C6orf132: variants seen among roughly 807,000 people sequenced by gnomAD.
C6orf132 encodes chromosome 6 open reading frame 132.
C6orf132 carries 43 observed loss-of-function variants against 65.3 expected under a neutral mutation model. The ratio of observed to expected loss-of-function variants is 0.66; its 90% CI spans 0.52 to 0.85. The LOEUF is 0.85. Ranked by LOEUF, C6orf132 falls within the 40% of genes least tolerant of loss-of-function variation. The probability of loss-of-function intolerance (pLI) is 0.00; values close to 1 mark genes in which losing one functional copy is unlikely to be tolerated. For missense variants in C6orf132, 1,488 were observed against 1,548.8 expected, an observed-to-expected ratio of 0.96 and a Z score of 0.66; for synonymous variants, 631 against 654.1, an observed-to-expected ratio of 0.96 and a Z score of 0.54.
At chr6:42,126,570 G>A (rs1042717871) in intron 2 of C6orf132, 11 of 193,372 alleles carry the variant, frequency 5.7e-5, no homozygotes, top group East Asian at 4.6e-4. Context: ...GGCTGGGCGC[G>A]GTAGCTCACG....
chr6:42,128,820 A>C (rs1377486938), intron 1 of C6orf132, 42 bp from the exon 2 acceptor site: 1 of 1,458,062 alleles, frequency 6.9e-7, no homozygotes, highest in South Asian at 1.2e-5. Context: ...CTGGAGATCC[A>C]AGGCATCCGG....
chr6:42,119,388 C>T (rs111907204), intron 2 of C6orf132, among the ~76,000 whole-genome samples: 7,270 of 139,928 alleles, frequency 0.052, 554 homozygotes, highest in African/African-American at 0.17. Flanking sequence ...TCTGTTGCCC[C>T]GGCTGGAGTT....
chr6:42,106,636 G>A lies in C6orf132; in HGVS notation c.1276C>T (p.Pro426Ser), dbSNP rs1352781222. The change falls in exon 4 of 5, where the codon CCA (proline) becomes TCA (serine). Residue 426 changes from proline (P) to serine (S), a missense_variant. Pro to Ser is a moderately conservative substitution (Grantham distance 74, BLOSUM62 -1). Coordinates refer to ENST00000341865, the MANE Select transcript of C6orf132 (RefSeq NM_001164446.3). ...GGGGTTTTTGTAAACCCAGCAGGTG[G>A]ATGGGCTGCCTTCTGAGCACAGGGC... ...PLPCAQKAAH[P>S]PAGFTKTPKS... 1 of 1,534,142 alleles carries A rather than the reference G, an allele frequency of 6.5e-7. No individual in the cohort carries two copies.
intron 2 of C6orf132, among the ~76,000 whole-genome samples, chr6:42,122,637 A>G (rs370279233): frequency 8.7e-4 from 132 of 152,290 alleles, no homozygotes; most frequent in African/African-American, 6.0e-4. Flanking sequence ...CTAAAAGCCA[A>G]TCATGGCTGC....
At chr6:42,118,880 T>C (rs1440879943) in intron 2 of C6orf132, among the ~76,000 whole-genome samples, 1 of 147,310 alleles carries the variant, frequency 6.8e-6, no homozygotes, top group African/African-American at 2.5e-5. Flanking sequence ...TTTTTTTTTT[T>C]TTTTTTTTTT....
In C6orf132 at chr6:42,104,883, C is replaced by G; in HGVS notation, c.3029G>C (p.Ser1010Thr). The change falls in exon 4 of 5, where the codon AGC (serine) becomes ACC (threonine). Residue 1010 changes from serine (S) to threonine (T), a missense_variant. Transcript: ENST00000341865. The surrounding 1 kb of genome is among the most constrained non-coding windows in gnomAD (Gnocchi z 4.1). ...TGAGTAGTTGTTCCGGGGAGGGGAGCTCTGGCGGCCCAGATACTGGAGGGC... is the reference window on the plus strand; with the variant it reads ...TGAGTAGTTGTTCCGGGGAGGGGAGGTCTGGCGGCCCAGATACTGGAGGGC... ...APALQYLGRQ[S>T]SPPRNNYSDL... 6.9e-7 allele frequency: 1 copy of G among 1,448,792 alleles called. No homozygotes were observed. The highest frequency in any genetic ancestry group is 1.4e-5 in the African/African-American group (1 of 70,096). The allele number at this position is 1,448,792 out of a possible 1,614,324, so 89.7% of individuals were successfully genotyped here.
chr6:42,107,668 G>T, intron 3 of C6orf132, 85 bp from the exon 4 acceptor site: 2 of 1,494,396 alleles, frequency 1.3e-6, no homozygotes, highest in Non-Finnish European at 1.8e-6. Context: ...CAGGGGCAGG[G>T]GTGGGCACCC....
Position 42,105,349 on chromosome 6 carries a change from C to G in C6orf132, c.2563G>C (p.Val855Leu), listed in dbSNP as rs1766378914. The change falls in exon 4 of 5, where the codon GTA (valine) becomes CTA (leucine). Residue 855 changes from valine to leucine, a missense_variant. Transcript: ENST00000341865. ...GAGGACCGACCCAGGGCAGCCCCTA[C>G]AGACCTTCCCTTCTGAGCCCTCTGC... The part of the protein sequence containing the change: ...ARQRAQKGRS[V>L]GAALGRSSLP... 1 of 1,536,718 alleles carries G rather than the reference C, an allele frequency of 6.5e-7. No individual in the cohort carries two copies. Among genetic ancestry groups the G allele is most frequent in the Non-Finnish European group, 8.7e-7 (1 of 1,146,898 alleles).
chr6:42,118,916 C>A (rs1314245960), intron 2 of C6orf132, among the ~76,000 whole-genome samples: 1 of 142,214 alleles, frequency 7.0e-6, no homozygotes, highest in Non-Finnish European at 1.5e-5. Flanking sequence ...CACTGTCACC[C>A]AAGCTGCAAT....
At chr6:42,118,545 A>T (rs1766621401) in intron 2 of C6orf132, among the ~76,000 whole-genome samples, 1 of 152,200 alleles carries the variant, frequency 6.6e-6, no homozygotes, top group Admixed American at 6.5e-5. Context: ...GGCAGCCCAC[A>T]TCGAAAGGGG....
rs973334375 is a variant in C6orf132, at chr6:42,102,899, C to A, written c.*862G>T. 16 of 396,506 alleles carry A rather than the reference C, an allele frequency of 4.0e-5. No individual in the cohort carries two copies. The Middle Eastern group carries it at 2.5e-3, about 62-fold the overall frequency. The allele number at this position is 396,506 out of a possible 1,614,324, so 24.6% of individuals were successfully genotyped here. A position where few individuals can be genotyped will look rare whatever the true frequency, so the allele number is the denominator to read the frequency against. On this transcript the variant is annotated 3_prime_UTR_variant, in exon 5 of 5. Transcript: ENST00000341865. Reference sequence around the variant, plus strand: ...TCTCCAAATCCCATATGAGACCTGGCCATGTAAGGCCCCTAGTGTCAAGCC... The same window carrying A: ...TCTCCAAATCCCATATGAGACCTGGACATGTAAGGCCCCTAGTGTCAAGCC...
Position 42,103,582 on chromosome 6 carries a change from C to T in C6orf132, c.*179G>A. On this transcript the variant is annotated 3_prime_UTR_variant, in exon 5 of 5. Coordinates refer to ENST00000341865, the MANE Select transcript of C6orf132 (RefSeq NM_001164446.3). ...CACCAGCGCTTTGGGAAACAGAAGC[C>T]CACTCTCGGTCTTCCTGGGCCACTG... 2 of 406,076 alleles carry T rather than the reference C, an allele frequency of 4.9e-6. No homozygotes were observed. The highest frequency in any genetic ancestry group is 4.4e-5 in the Admixed American group (1 of 22,618). The allele number at this position is 406,076 out of a possible 1,614,324, so 25.2% of individuals were successfully genotyped here. A position where few individuals can be genotyped will look rare whatever the true frequency, so the allele number is the denominator to read the frequency against.
chr6:42,116,998 A>C (rs1431486320), intron 2 of C6orf132, among the ~76,000 whole-genome samples: 2 of 152,014 alleles, frequency 1.3e-5, no homozygotes, highest in African/African-American at 4.8e-5. Context: ...ATCCATTTCC[A>C]CACCTCAAGC....
At chr6:42,118,214 C>T (rs942136525) in intron 2 of C6orf132, among the ~76,000 whole-genome samples, 1 of 152,204 alleles carries the variant, frequency 6.6e-6, no homozygotes, top group African/African-American at 2.4e-5. Flanking sequence ...ACTGTATTGC[C>T]TCGAGGTTGT....
In C6orf132 at chr6:42,106,728, G is replaced by T; in HGVS notation, c.1184C>A (p.Pro395His). ...ERAGTPPPAP[P>H]LPPPAPPLPP... ...GAGGGGGGGTGCAGGAGGGGGCAGG[G>T]GAGGGGCTGGAGGCGGAGTCCCAGC... The change falls in exon 4 of 5, where the codon CCC becomes CAC. Residue 395 changes from proline to histidine, a missense_variant. Pro to His is a moderately conservative substitution (Grantham distance 77, BLOSUM62 -2). Coordinates refer to ENST00000341865, the MANE Select transcript of C6orf132 (RefSeq NM_001164446.3). The T allele has an allele frequency of 6.6e-7, 1 of 1,505,542 alleles. No homozygotes were observed. Among genetic ancestry groups the T allele is most frequent in the Non-Finnish European group, 8.9e-7 (1 of 1,123,604 alleles). The allele number at this position is 1,505,542 out of a possible 1,614,324, so 93.3% of individuals were successfully genotyped here.
intron 1 of C6orf132, among the ~76,000 whole-genome samples, chr6:42,133,446 G>A (rs1766887177): frequency 1.3e-5 from 2 of 152,198 alleles, no homozygotes; most frequent in African/African-American, 4.8e-5. Context: ...AGGCAGCATT[G>A]GAACATCCAG....
intron 1 of C6orf132, among the ~76,000 whole-genome samples, chr6:42,142,092 G>T (rs1400818671): frequency 6.6e-6 from 1 of 151,948 alleles, no homozygotes; most frequent in Non-Finnish European, 1.5e-5. Flanking sequence ...GGTGGGGGGG[G>T]TCCCCTCGTT....
At chr6:42,125,884 C>T (rs1299321732) in intron 2 of C6orf132, among the ~76,000 whole-genome samples, 2 of 152,076 alleles carry the variant, frequency 1.3e-5, no homozygotes, top group African/African-American at 4.8e-5. Flanking sequence ...TTGCTCTGGT[C>T]TTTGAGGGGC....
Position 42,107,232 on chromosome 6 carries a change from G to A in C6orf132, c.680C>T (p.Pro227Leu), listed in dbSNP as rs1227006675. Residue 227 changes from proline (P) to leucine (L), a missense_variant, in exon 4 of 5, where the codon CCA becomes CTA. By Grantham distance (98) the Pro-to-Leu change is moderately conservative. Coordinates refer to ENST00000341865, the MANE Select transcript of C6orf132 (RefSeq NM_001164446.3). ...TGCTGGGGCTGGCACAGGAGGCGGT[G>A]GGGGGGCTAGAAAGGCCAAGGGTGG... Reference protein sequence around the residue: ...PAPPLAFLAPPPPPVPAPAPP... With the variant: ...PAPPLAFLAPLPPPVPAPAPP... 2 of 1,390,628 alleles carry A rather than the reference G, an allele frequency of 1.4e-6. No homozygotes were observed. The highest frequency in any genetic ancestry group is 1.5e-5 in the African/African-American group (1 of 66,788). 86.1% of individuals were successfully genotyped at this position (1,390,628 alleles called of 1,614,324 possible).
Sources: gnomAD v4.1 joint callset for allele counts (sites outside exome capture counted in the v4.1 genomes callset) on GRCh38, gnomAD v4.1.1 for gene constraint, Gnocchi (gnomAD v3.1) non-coding constraint, MANE v1.5 for transcripts, NCBI Gene and HGNC (gene_info 2026-07-23, HGNC 2026-07-21) for gene names.